Variants in LRRC7 observed in about 807,000 individuals in gnomAD.
The protein encoded by LRRC7 is leucine rich repeat containing 7, also known as leucine-rich repeat-containing protein 7.
Under a neutral mutation model 175.7 loss-of-function variants are expected in LRRC7, and 23 were observed. That is an observed-to-expected ratio of 0.13 (90% CI 0.09 to 0.19). The LOEUF (loss-of-function observed/expected upper bound fraction) is 0.19. Among genes scored for constraint, LRRC7 ranks in the 10% least tolerant of loss-of-function variants. LRRC7 has a pLI of 1.00. For synonymous variants in LRRC7, 685 were observed against 680.9 expected (o/e 1.01, Z -0.09); for missense variants, 1,354 against 1,904.7 (o/e 0.71, Z 5.38).
intron 1 of LRRC7, among the ~76,000 whole-genome samples, chr1:69,596,401 T>G (rs1418011): frequency 1 from 151,615 of 152,260 alleles, 75,488 homozygotes; most frequent in Non-Finnish European, 1. Context: ...CCTGTGCCTA[T>G]ATTCCTGCAT....
At chr1:69,857,952 T>C (rs1010022061) in intron 7 of LRRC7, among the ~76,000 whole-genome samples, 1 of 151,876 alleles carries the variant, frequency 6.6e-6, no homozygotes, top group Non-Finnish European at 1.5e-5. Context: ...TCAGAAATAA[T>C]ACCACAGATC....
At chr1:69,711,679 G>A (rs1024685144) in intron 2 of LRRC7, among the ~76,000 whole-genome samples, 29 of 152,250 alleles carry the variant, frequency 1.9e-4, no homozygotes, top group Middle Eastern at 3.4e-3. Context: ...CCTATTTACC[G>A]TGTCGTCATG....
At chr1:69,829,202 T>C (rs887929166) in intron 5 of LRRC7, among the ~76,000 whole-genome samples, 2 of 151,884 alleles carry the variant, frequency 1.3e-5, no homozygotes, top group Non-Finnish European at 1.5e-5. Context: ...TATTTCAAAT[T>C]TAAGTAATTG....
In LRRC7 at chr1:69,588,346, G is replaced by A. The variant is rs1646485037; in HGVS notation, c.2+19705G>A. On this transcript the variant is annotated intron_variant, in intron 1 of 26. Transcript: ENST00000651989. ...TCTATTCAGTAAATATTTATTTGAA[G>A]AATAAATGAATAGCAAAAAAAGAAT... 7.2e-5 allele frequency among the ~76,000 whole-genome samples: 11 copies of A among 151,762 alleles called. No individual in the cohort carries two copies. The South Asian group carries it at 2.1e-3, about 29-fold the overall frequency.
chr1:69,809,605 C>A (rs1677569752), intron 4 of LRRC7, among the ~76,000 whole-genome samples: 1 of 152,114 alleles, frequency 6.6e-6, no homozygotes, highest in Admixed American at 6.6e-5. Context: ...CCCTGAGATG[C>A]AAGGCTGGTT....
intron 11 of LRRC7, among the ~76,000 whole-genome samples, chr1:69,997,445 G>C (rs1655097125): frequency 6.6e-6 from 1 of 150,776 alleles, no homozygotes; most frequent in Admixed American, 6.6e-5. Context: ...ATGTTGAATA[G>C]GAGTGGTGAG....
At chr1:70,092,004 T>C (rs142961916) in intron 25 of LRRC7, among the ~76,000 whole-genome samples, 65 of 152,222 alleles carry the variant, frequency 4.3e-4, no homozygotes, top group African/African-American at 1.5e-3. Flanking sequence ...ATGGGGACAC[T>C]TTGGTTAACT....
intron 1 of LRRC7, among the ~76,000 whole-genome samples, chr1:69,581,420 G>A (rs1646196529): frequency 6.6e-6 from 1 of 152,160 alleles, no homozygotes; most frequent in African/African-American, 2.4e-5. Flanking sequence ...CTGCTGAATT[G>A]ATAGTAGTGA....
rs1558016730 is a variant in LRRC7 at position 70,039,636 on chromosome 1, C to G, written c.3812C>G (p.Ser1271Cys). 1 of 1,614,098 alleles carries G rather than the reference C, an allele frequency of 6.2e-7. No homozygotes were observed. The highest frequency in any genetic ancestry group is 1.7e-4 in the Middle Eastern group (1 of 6,060). The change falls in exon 21 of 27, where the codon TCT becomes TGT. Residue 1271 changes from serine (S) to cysteine (C), a missense_variant. Ser to Cys is a moderately radical substitution (Grantham distance 112). Transcript: ENST00000651989. ...TMAALLEKIPSDYNLGNYGDK... is the reference protein window; with the variant it reads ...TMAALLEKIPCDYNLGNYGDK... ...GCAGCTCTTTTGGAAAAAATACCATCTGACTATAACTTGGGTAACTATGGT... is the reference window on the plus strand; with the variant it reads ...GCAGCTCTTTTGGAAAAAATACCATGTGACTATAACTTGGGTAACTATGGT...
At chr1:69,757,577 T>C (rs1557689177) in intron 2 of LRRC7, among the ~76,000 whole-genome samples, 1 of 151,920 alleles carries the variant, frequency 6.6e-6, no homozygotes, top group Non-Finnish European at 1.5e-5. Context: ...TTTTAAGGAA[T>C]GGGAAAGTGC....
chr1:70,135,256 A>G lies in LRRC7; in HGVS notation c.*13369A>G, dbSNP rs1365495567. ...GGTCAGTGCTTGCTATCCAGCCACT[A>G]GCATAGTTCCCCAGGAGCAGGCTAT... On this transcript the variant is annotated 3_prime_UTR_variant, in exon 27 of 27. Coordinates refer to ENST00000651989, the MANE Select transcript of LRRC7 (RefSeq NM_001370785.2). 6.6e-6 allele frequency among the ~76,000 whole-genome samples: 1 copy of G among 152,150 alleles called. No individual in the cohort carries two copies. Among genetic ancestry groups the G allele is most frequent in the Non-Finnish European group, 1.5e-5 (1 of 68,030 alleles).
At chr1:69,905,670 G>A (rs1186466797) in intron 7 of LRRC7, among the ~76,000 whole-genome samples, 2 of 152,100 alleles carry the variant, frequency 1.3e-5, no homozygotes. Context: ...TTGGACATTT[G>A]GGTTGGTTCC....
chr1:69,917,056 T>C (rs1386433291), intron 7 of LRRC7, among the ~76,000 whole-genome samples: 1 of 152,176 alleles, frequency 6.6e-6, no homozygotes. Flanking sequence ...TTTACACATT[T>C]CAACAATTTT....
At chr1:69,837,470 G>T (rs774673593) in intron 6 of LRRC7, among the ~76,000 whole-genome samples, 1 of 151,876 alleles carries the variant, frequency 6.6e-6, no homozygotes, top group Non-Finnish European at 1.5e-5. Flanking sequence ...AATTAAGAGA[G>T]GTTAAGTAAT....
At chr1:69,889,004 A>G (rs1019761993) in intron 7 of LRRC7, among the ~76,000 whole-genome samples, 31 of 152,238 alleles carry the variant, frequency 2.0e-4, no homozygotes, top group Admixed American at 1.6e-3. Context: ...GCATATAAAC[A>G]TTATGTTTAC....
intron 2 of LRRC7, among the ~76,000 whole-genome samples, chr1:69,687,091 T>A (rs1486794638): frequency 6.6e-6 from 1 of 152,214 alleles, no homozygotes; most frequent in Non-Finnish European, 1.5e-5. Context: ...TTTTCTTAAA[T>A]TTTGTTTCAT....
Position 69,966,376 on chromosome 1 carries a change from G to C in LRRC7, c.712-14003G>C, listed in dbSNP as rs1373719885. On this transcript the variant is annotated intron_variant, in intron 8 of 26. Coordinates refer to ENST00000651989, the MANE Select transcript of LRRC7 (RefSeq NM_001370785.2). The stretch of plus-strand genomic sequence containing the variant: ...ATCTCATACAATTTTAAAATTTAAA[G>C]GTCTCTGGTATTTTACTAGTTTTAC... Among the ~76,000 whole-genome samples the C allele has an allele frequency of 2.0e-5, 3 of 151,994 alleles. No individual in the cohort carries two copies. The East Asian group carries it at 5.8e-4, about 29-fold the overall frequency.
At chr1:69,905,720 A>C (rs1411300460) in intron 7 of LRRC7, among the ~76,000 whole-genome samples, 1 of 152,160 alleles carries the variant, frequency 6.6e-6, no homozygotes, top group East Asian at 1.9e-4. Context: ...ATAAACATAC[A>C]TGTGCATGTG....
At chr1:69,818,977 T>G (rs1177957450) in intron 4 of LRRC7, among the ~76,000 whole-genome samples, 1 of 152,116 alleles carries the variant, frequency 6.6e-6, no homozygotes, top group East Asian at 1.9e-4. Flanking sequence ...TTTAAGTAGG[T>G]TCCCTTTTAT....
Sources: allele counts gnomAD v4.1 joint callset (sites outside exome capture counted in the v4.1 genomes callset), GRCh38; gene constraint gnomAD v4.1.1; transcripts MANE v1.5; gene names NCBI Gene and HGNC (gene_info 2026-07-23, HGNC 2026-07-21).